The following ELMO1 variants were observed in gnomAD, a reference collection of about 807,000 sequenced individuals.
The protein encoded by ELMO1 is engulfment and cell motility protein 1.
ELMO1 carries 26 observed loss-of-function variants against 98.9 expected under a neutral mutation model. The ratio of observed to expected loss-of-function variants is 0.26; its 90% CI spans 0.19 to 0.36. The LOEUF (loss-of-function observed/expected upper bound fraction) is 0.36, where lower values mean the gene tolerates loss of function less well. Ranked by LOEUF, ELMO1 falls within the 10% of genes least tolerant of loss-of-function variation. The pLI is 1.00. For synonymous variants in ELMO1, 346 were observed against 346.0 expected, an observed-to-expected ratio of 1.00 and a Z score of 0.00; for missense variants, 627 against 935.2, an observed-to-expected ratio of 0.67 and a Z score of 4.30.
At chr7:37,443,766 C>T (rs1300138354) in intron 1 of ELMO1, among the ~76,000 whole-genome samples, 1 of 152,212 alleles carries the variant, frequency 6.6e-6, no homozygotes, top group Admixed American at 6.5e-5. Flanking sequence ...ATTGTACATG[C>T]AGGCTGGCTT....
Position 37,132,179 on chromosome 7 carries a change from G to T in ELMO1, c.1191+951C>A, listed in dbSNP as rs1408847024. 2.0e-5 allele frequency among the ~76,000 whole-genome samples: 3 copies of T among 152,290 alleles called. No homozygotes were observed. In the East Asian group the frequency reaches 5.8e-4, roughly 29 times the overall value. ...ACATCACTAGATGATGATAGTGCCA[G>T]GCTCGAACCCAGGTCTCCAGGGAGC... On this transcript the variant is annotated intron_variant, in intron 14 of 21. Coordinates refer to ENST00000310758, the MANE Select transcript of ELMO1 (RefSeq NM_014800.11).
intron 21 of ELMO1, among the ~76,000 whole-genome samples, chr7:36,857,661 G>C (rs1014204462): frequency 6.6e-6 from 1 of 152,076 alleles, no homozygotes; most frequent in Admixed American, 6.5e-5. Flanking sequence ...ATTTGAGTTG[G>C]AACTATCAGT....
chr7:37,212,885 G>A (rs1302893176), intron 12 of ELMO1, among the ~76,000 whole-genome samples: 2 of 152,106 alleles, frequency 1.3e-5, no homozygotes, highest in Non-Finnish European at 2.9e-5. Context: ...CGACAGAAAT[G>A]CTGGCCCAGA....
intron 13 of ELMO1, among the ~76,000 whole-genome samples, chr7:37,162,519 A>G (rs569837673): frequency 2.8e-4 from 42 of 152,352 alleles, no homozygotes; most frequent in African/African-American, 8.7e-4. Flanking sequence ...ATCTCTGCAG[A>G]TCACTATGAA....
intron 8 of ELMO1, among the ~76,000 whole-genome samples, chr7:37,226,527 T>TC (rs1358067875): frequency 4.6e-5 from 7 of 152,036 alleles, no homozygotes; most frequent in African/African-American, 1.7e-4. Context: ...ATCTGACTCC[T>TC]CCCCCACCCC....
At chr7:36,894,746 C>T (rs1413773468) in intron 17 of ELMO1, 108 bp downstream of exon 17, 8 of 1,383,416 alleles carry the variant, frequency 5.8e-6, no homozygotes, top group African/African-American at 1.4e-5. Flanking sequence ...CTTCTGCTGG[C>T]CTTCCCTGAG....
At position 36,878,062 on chromosome 7, in the gene ELMO1, G is replaced by A; in HGVS notation, c.1770C>T (p.Asp590=). ...CTTCTCCCTGAGGACTCTCTTCTAA[G>A]TCTCCGTAATGCAGGACTTTGTGAT... ...SPNHKVLHYG[D]LEESPQGEVP... is the part of the protein sequence containing the mutation. Residue 590 remains aspartate, a synonymous_variant, in exon 19 of 22, where the codon GAC becomes GAT. Coordinates refer to ENST00000310758, the MANE Select transcript of ELMO1 (RefSeq NM_014800.11). 6.2e-7 allele frequency: 1 copy of A among 1,614,106 alleles called. No individual in the cohort carries two copies. Among genetic ancestry groups the A allele is most frequent in the Non-Finnish European group, 8.5e-7 (1 of 1,179,956 alleles).
intron 14 of ELMO1, among the ~76,000 whole-genome samples, chr7:37,102,216 T>A (rs1784684288): frequency 6.6e-6 from 1 of 152,314 alleles, no homozygotes; most frequent in East Asian, 1.9e-4. Context: ...TCACTTCTCC[T>A]TCATTCTCCC....
intron 13 of ELMO1, among the ~76,000 whole-genome samples, chr7:37,140,385 CAA>C (rs549057573): frequency 2.3e-5 from 3 of 129,104 alleles, no homozygotes; most frequent in Non-Finnish European, 3.4e-5. Flanking sequence ...GACTCCGTCT[CAA>C]AAAAAAAAAA....
At chr7:37,033,664 T>C (rs1795006079) in intron 15 of ELMO1, among the ~76,000 whole-genome samples, 1 of 152,178 alleles carries the variant, frequency 6.6e-6, no homozygotes, top group Non-Finnish European at 1.5e-5. Flanking sequence ...CAGATGTTTC[T>C]GATAAGAATA....
intron 15 of ELMO1, among the ~76,000 whole-genome samples, chr7:37,061,439 A>G (rs1402522417): frequency 6.6e-6 from 1 of 152,220 alleles, no homozygotes; most frequent in Non-Finnish European, 1.5e-5. Flanking sequence ...AAGTGACTAG[A>G]GTTGCCCCCA....
intron 15 of ELMO1, among the ~76,000 whole-genome samples, chr7:37,082,699 C>G (rs1783534950): frequency 6.6e-6 from 1 of 151,760 alleles, no homozygotes; most frequent in African/African-American, 2.4e-5. Context: ...TTACTGCACT[C>G]CAGCCCGGGT....
intron 1 of ELMO1, among the ~76,000 whole-genome samples, chr7:37,381,016 T>G (rs1239145162): frequency 6.6e-6 from 1 of 152,184 alleles, no homozygotes; most frequent in Non-Finnish European, 1.5e-5. Context: ...AGAGTACTTG[T>G]TTACAGTATG....
Position 37,015,550 on chromosome 7 carries a change from G to GA in ELMO1, c.1301-2116dup, listed in dbSNP as rs1793875902. 3.3e-5 allele frequency among the ~76,000 whole-genome samples: 5 copies of GA among 151,780 alleles called. No homozygotes were observed. In the South Asian group the frequency reaches 1.0e-3, roughly 32 times the overall value. ...CAGGAGCTGGAGGTTGCAGTGAACC[G>GA]AGATCACACCACCGCACTCCAGCCT... is the stretch of plus-strand genomic sequence containing the variant. On this transcript the variant is annotated intron_variant, in intron 15 of 21. Transcript: ENST00000310758.
chr7:37,370,940 A>G (rs1177620679), intron 1 of ELMO1, among the ~76,000 whole-genome samples: 2 of 152,140 alleles, frequency 1.3e-5, no homozygotes, highest in Non-Finnish European at 2.9e-5. Context: ...ACTCTTGCTC[A>G]TCTACACTAA....
intron 16 of ELMO1, among the ~76,000 whole-genome samples, chr7:36,967,409 T>C (rs907223355): frequency 2.0e-5 from 3 of 152,202 alleles, no homozygotes; most frequent in African/African-American, 7.2e-5. Context: ...CCCAGTGATA[T>C]GTCTTTAATT....
At chr7:37,099,150 C>T (rs1254224469) in intron 14 of ELMO1, among the ~76,000 whole-genome samples, 2 of 152,144 alleles carry the variant, frequency 1.3e-5, no homozygotes, top group Non-Finnish European at 2.9e-5. Flanking sequence ...TTTTTTAATG[C>T]ACCATCCATC....
At chr7:37,371,855 AT>A (rs1802128636) in intron 1 of ELMO1, among the ~76,000 whole-genome samples, 1 of 152,124 alleles carries the variant, frequency 6.6e-6, no homozygotes, top group South Asian at 2.1e-4. Context: ...AGAGCAGCCG[AT>A]TTCCGTTGCT....
intron 6 of ELMO1, among the ~76,000 whole-genome samples, chr7:37,246,259 T>C (rs1795000791): frequency 6.6e-6 from 1 of 152,138 alleles, no homozygotes; most frequent in Admixed American, 6.5e-5. Context: ...ATTAGAAAAT[T>C]TTCCTTTGGA....
Sources: gnomAD v4.1 joint callset for allele counts (sites outside exome capture counted in the v4.1 genomes callset) on GRCh38, gnomAD v4.1.1 for gene constraint, MANE v1.5 for transcripts, NCBI Gene and HGNC (gene_info 2026-07-23, HGNC 2026-07-21) for gene names.